Variants in WWP2 observed in about 807,000 individuals in gnomAD.
WWP2 encodes WW domain containing E3 ubiquitin protein ligase 2.
Under a neutral mutation model 121.0 loss-of-function variants are expected in WWP2, and 57 were observed. That is an observed-to-expected ratio of 0.47 (90% confidence interval 0.38 to 0.59). The LOEUF is 0.59. Ranked by LOEUF, WWP2 falls within the 20% of genes least tolerant of loss-of-function variation. The probability of loss-of-function intolerance (pLI) is 0.00; values close to 1 mark genes in which losing one functional copy is unlikely to be tolerated. For missense variants in WWP2, 962 were observed against 1,158.9 expected (o/e 0.83, Z 2.47); for synonymous variants, 449 against 441.3 (o/e 1.02, Z -0.22).
intron 8 of WWP2, among the ~76,000 whole-genome samples, chr16:69,888,588 C>A (rs568919835): frequency 1.3e-5 from 2 of 152,250 alleles, no homozygotes; most frequent in East Asian, 3.9e-4. Flanking sequence ...AACAGCTTTT[C>A]TCTCTTGAAT....
At position 69,931,800 on chromosome 16, in the gene WWP2, A is replaced by G; in HGVS notation, c.1594-2A>G. The G allele has an allele frequency of 6.2e-7, 1 of 1,613,560 alleles. No homozygotes were observed. Among genetic ancestry groups the G allele is most frequent in the Non-Finnish European group, 8.5e-7 (1 of 1,179,984 alleles). On this transcript the variant is annotated splice_acceptor_variant, in intron 15 of 23. Coordinates refer to ENST00000359154, the MANE Select transcript of WWP2 (RefSeq NM_001270454.2). LOFTEE classifies it high-confidence loss of function. ...GGCTGGCCCGATGCTCTGTCTTCCC[A>G]GATCATGAACATGAAACCCTATGAC...
chr16:69,940,573 T>C lies in WWP2; in HGVS notation c.*633T>C, dbSNP rs2058867021. 1.3e-5 allele frequency: 2 copies of C among 152,464 alleles called. No individual in the cohort carries two copies. The highest frequency in any genetic ancestry group is 4.8e-5 in the African/African-American group (2 of 41,448). 9.4% of individuals were successfully genotyped at this position (152,464 alleles called of 1,614,324 possible). A position where few individuals can be genotyped will look rare whatever the true frequency, so the allele number is the denominator to read the frequency against. On this transcript the variant is annotated 3_prime_UTR_variant, in exon 24 of 24. Transcript: ENST00000359154. ...TGAAGGTTTGTCTAAGCTGCCTGGG[T>C]ATCCACGGGACAAAAACAGCAAACT...
In WWP2 at chr16:69,939,942, C is replaced by G; in HGVS notation, c.*2C>G. The G allele has an allele frequency of 1.2e-6, 2 of 1,612,134 alleles. No homozygotes were observed. The highest frequency in any genetic ancestry group is 1.7e-6 in the Non-Finnish European group (2 of 1,179,150). On this transcript the variant is annotated 3_prime_UTR_variant, in exon 24 of 24. Coordinates refer to ENST00000359154, the MANE Select transcript of WWP2 (RefSeq NM_001270454.2). ...ACCGAGGGCTTTGGACAGGAGTAACCGAGGCCGCCCCTCCCACGCCCCCCA... is the reference window on the plus strand; with the variant it reads ...ACCGAGGGCTTTGGACAGGAGTAACGGAGGCCGCCCCTCCCACGCCCCCCA...
chr16:69,851,709 G>A (rs1434652166), intron 6 of WWP2, among the ~76,000 whole-genome samples: 5 of 152,032 alleles, frequency 3.3e-5, no homozygotes, highest in Admixed American at 6.6e-5. Flanking sequence ...GGTCGGGAAC[G>A]GTGGCTCATG....
At chr16:69,778,579 T>C (rs1176992869) in intron 1 of WWP2, among the ~76,000 whole-genome samples, 3 of 152,062 alleles carry the variant, frequency 2.0e-5, no homozygotes, top group African/African-American at 7.2e-5. Flanking sequence ...TTGTCTAAGA[T>C]GGGAGGCAAA....
chr16:69,802,011 C>T (rs2056178045), intron 4 of WWP2, among the ~76,000 whole-genome samples: 1 of 151,750 alleles, frequency 6.6e-6, no homozygotes, highest in South Asian at 2.1e-4. Flanking sequence ...CTCACCACAA[C>T]CTTTGCCTTC....
chr16:69,794,706 C>T (rs1417439986), intron 2 of WWP2, among the ~76,000 whole-genome samples: 2 of 152,242 alleles, frequency 1.3e-5, no homozygotes, highest in East Asian at 3.9e-4. Context: ...TTGCTGCATT[C>T]TTTAAAACAG....
intron 18 of WWP2, 39 bp downstream of exon 18, chr16:69,936,025 A>T (rs1405034350): frequency 1.1e-5 from 17 of 1,604,328 alleles, no homozygotes; most frequent in African/African-American, 2.7e-5. Context: ...CGCTGATAGG[A>T]GGGACGTCTC....
Position 69,871,884 on chromosome 16 carries a change from G to A in WWP2, c.656G>A (p.Arg219His), listed in dbSNP as rs776475086. Residue 219 changes from arginine to histidine, a missense_variant, in exon 7 of 24, where the codon CGC becomes CAC. Physicochemically the swap from Arg to His is conservative, Grantham distance 29. Transcript: ENST00000359154. ...AGCCCCGGTGCTCGGAGCCGGCACC[G>A]CCAGCCCGTCAAGAACTCAGGCCAC... Reference protein sequence around the residue: ...EQSPGARSRHRQPVKNSGHSG... With the variant: ...EQSPGARSRHHQPVKNSGHSG... 5.9e-5 allele frequency: 95 copies of A among 1,613,932 alleles called. No homozygotes were observed. The highest frequency in any genetic ancestry group is 8.3e-5 in the Admixed American group (5 of 60,000).
At chr16:69,913,632 T>C (rs1020778504) in intron 9 of WWP2, among the ~76,000 whole-genome samples, 2 of 152,070 alleles carry the variant, frequency 1.3e-5, no homozygotes, top group African/African-American at 4.8e-5. Context: ...CAGATTATAA[T>C]TGATATCCTC....
intron 9 of WWP2, chr16:69,909,546 T>G (rs368682068): frequency 2.0e-6 from 2 of 985,470 alleles, no homozygotes; most frequent in East Asian, 1.1e-4. Flanking sequence ...GATGGGCTGC[T>G]TTTAGCTCCA....
chr16:69,830,976 G>A (rs2056783736), intron 4 of WWP2, among the ~76,000 whole-genome samples: 1 of 152,178 alleles, frequency 6.6e-6, no homozygotes. Flanking sequence ...GCAGTTATGT[G>A]TAGAATGAAC....
intron 9 of WWP2, chr16:69,910,164 C>A: frequency 9.4e-6 from 2 of 213,148 alleles, no homozygotes; most frequent in Non-Finnish European, 1.6e-5. Context: ...AATTTTGAAG[C>A]AAATCCCAAA....
intron 9 of WWP2, among the ~76,000 whole-genome samples, chr16:69,914,429 T>G (rs960298422): frequency 2.0e-5 from 3 of 151,646 alleles, no homozygotes; most frequent in African/African-American, 4.8e-5. Context: ...ATCCTTCTTC[T>G]CAGCTGTAGA....
At chr16:69,813,711 C>T (rs755365442) in intron 4 of WWP2, among the ~76,000 whole-genome samples, 9 of 152,112 alleles carry the variant, frequency 5.9e-5, no homozygotes, top group South Asian at 2.1e-4. Context: ...TCTAGTGATC[C>T]TCCCACGTTG....
chr16:69,898,773 G>C (rs1277556220), intron 8 of WWP2, among the ~76,000 whole-genome samples: 1 of 151,970 alleles, frequency 6.6e-6, no homozygotes, highest in Non-Finnish European at 1.5e-5. Flanking sequence ...GCGCAATCTT[G>C]GCTCACTGCA....
Position 69,862,708 on chromosome 16 carries a change from CTTTTTTTTTTTTTTTT to C in WWP2, c.576-9085_576-9070del, listed in dbSNP as rs546868069. On this transcript the variant is annotated intron_variant, in intron 6 of 23. Coordinates refer to ENST00000359154, the MANE Select transcript of WWP2 (RefSeq NM_001270454.2). ...CCTGGTATCCAGCCAGCCATGAATT[CTTTTTTTTTTTTTTTT>C]TTTTTTTTTTGGAAACAGGGTCTCT... Among the ~76,000 whole-genome samples the C allele has an allele frequency of 2.6e-5, 2 of 76,508 alleles. 1 individual carries two copies. The highest frequency in any genetic ancestry group is 5.1e-5 in the Non-Finnish European group (2 of 39,536). 50.2% of individuals were successfully genotyped at this position (76,508 alleles called of 152,430 possible).
chr16:69,800,591 G>A (rs2056142674), intron 4 of WWP2, among the ~76,000 whole-genome samples: 2 of 148,600 alleles, frequency 1.3e-5, no homozygotes, highest in South Asian at 4.2e-4. Context: ...TTGAGATGGA[G>A]TCTTACTCTG....
chr16:69,899,871 A>G (rs563314328), intron 8 of WWP2, among the ~76,000 whole-genome samples: 1 of 152,224 alleles, frequency 6.6e-6, no homozygotes, highest in South Asian at 2.1e-4. Context: ...AAAACAATAT[A>G]TAATTTCTAA....
Sources: gnomAD v4.1 joint callset for allele counts (sites outside exome capture counted in the v4.1 genomes callset) on GRCh38, gnomAD v4.1.1 for gene constraint, MANE v1.5 for transcripts, NCBI Gene and HGNC (gene_info 2026-07-23, HGNC 2026-07-21) for gene names.